Variants in CSNK1G2 observed in about 807,000 individuals in gnomAD.
CSNK1G2 encodes casein kinase I isoform gamma-2.
A neutral mutation model predicts 48.0 loss-of-function variants in CSNK1G2; 11 were observed. The observed-to-expected ratio is 0.23, with a 90% confidence interval of 0.14 to 0.38. The LOEUF is 0.38. Ranked by LOEUF, CSNK1G2 falls within the 10% of genes least tolerant of loss-of-function variation. The probability of loss-of-function intolerance (pLI) is 1.00; values close to 1 mark genes in which losing one functional copy is unlikely to be tolerated. For missense variants in CSNK1G2, 446 were observed against 595.5 expected (o/e 0.75, Z 2.61); for synonymous variants, 337 against 254.1 (o/e 1.33, Z -3.10).
intron 2 of CSNK1G2, among the ~76,000 whole-genome samples, chr19:1,977,922 G>T (rs982781595): frequency 2.0e-5 from 3 of 152,146 alleles, no homozygotes; most frequent in Non-Finnish European, 4.4e-5. Context: ...CTCACCTGGG[G>T]GCCGAGGGCC....
In CSNK1G2 at chr19:1,941,231, C is replaced by G. The variant is rs1599270559; in HGVS notation, c.-453C>G. 6.8e-6 allele frequency: 1 copy of G among 146,264 alleles called. No individual in the cohort carries two copies. The highest frequency in any genetic ancestry group is 1.5e-5 in the Non-Finnish European group (1 of 65,772). 9.1% of individuals were successfully genotyped at this position (146,264 alleles called of 1,614,324 possible). ...GCGGGCGCGGCGGAGCGCGGCGAGCCCGGCGCCTCCCGTCCCGAACATGCG... is the reference window on the plus strand; with the variant it reads ...GCGGGCGCGGCGGAGCGCGGCGAGCGCGGCGCCTCCCGTCCCGAACATGCG... On this transcript the variant is annotated 5_prime_UTR_variant, in exon 1 of 12. Coordinates refer to ENST00000255641, the MANE Select transcript of CSNK1G2 (RefSeq NM_001319.7).
chr19:1,976,239 C>A, intron 2 of CSNK1G2: 1 of 610,650 alleles, frequency 1.6e-6, no homozygotes, highest in Non-Finnish European at 2.5e-6. Flanking sequence ...CCCATTTGTT[C>A]TGAAAACGCG....
At chr19:1,945,924 G>A (rs879571522) in intron 1 of CSNK1G2, among the ~76,000 whole-genome samples, 2 of 152,338 alleles carry the variant, frequency 1.3e-5, no homozygotes, top group Admixed American at 6.5e-5. Context: ...AGAGGCCATG[G>A]GGTGAGGACC....
chr19:1,956,423 G>A (rs751217427), intron 1 of CSNK1G2, among the ~76,000 whole-genome samples: 4 of 152,324 alleles, frequency 2.6e-5, no homozygotes, highest in African/African-American at 4.8e-5. Context: ...AGGATGAGGC[G>A]GGAAAATTGC....
At chr19:1,972,004 T>C (rs979078296) in intron 2 of CSNK1G2, among the ~76,000 whole-genome samples, 5 of 152,216 alleles carry the variant, frequency 3.3e-5, no homozygotes, top group East Asian at 1.9e-4. Context: ...CTCCTGACCT[T>C]GTGATCCACC....
chr19:1,953,580 G>GT (rs199635459), intron 1 of CSNK1G2: 137 of 477,876 alleles, frequency 2.9e-4, no homozygotes, highest in African/African-American at 2.4e-3. Flanking sequence ...TGCCGGTGGT[G>GT]TTTGCCTTAT....
At chr19:1,944,307 T>C (rs2014473919) in intron 1 of CSNK1G2, among the ~76,000 whole-genome samples, 2 of 152,148 alleles carry the variant, frequency 1.3e-5, no homozygotes, top group Non-Finnish European at 2.9e-5. Context: ...GCCTGCAGTC[T>C]GGAGGCTCCC....
At chr19:1,953,025 C>T (rs1013709031) in intron 1 of CSNK1G2, 2 of 404,792 alleles carry the variant, frequency 4.9e-6, no homozygotes, top group South Asian at 3.7e-5. Context: ...AAAAAAAAAA[C>T]AAAGGAAATG....
At chr19:1,958,192 C>T (rs2015063182) in intron 1 of CSNK1G2, among the ~76,000 whole-genome samples, 1 of 151,894 alleles carries the variant, frequency 6.6e-6, no homozygotes, top group South Asian at 2.1e-4. Flanking sequence ...GGGACTCCCA[C>T]TGCCCCCACC....
At chr19:1,947,643 G>A (rs1427519208) in intron 1 of CSNK1G2, among the ~76,000 whole-genome samples, 2 of 152,182 alleles carry the variant, frequency 1.3e-5, no homozygotes, top group South Asian at 2.1e-4. Flanking sequence ...TGGGTGCGCC[G>A]AGGGGGATCC....
rs568175227 is a variant in CSNK1G2 at position 1,956,397 on chromosome 19, G to A, written c.-265-13111G>A. 2.6e-5 allele frequency among the ~76,000 whole-genome samples: 4 copies of A among 152,352 alleles called. No individual in the cohort carries two copies. In the East Asian group the frequency reaches 7.7e-4, roughly 29 times the overall value. ...GACGGCATGGTGCCTCATGCCTGTG[G>A]TCCCAGCTACCTGGGAGGATGAGGC... is the stretch of plus-strand genomic sequence containing the variant. On this transcript the variant is annotated intron_variant, in intron 1 of 11. Transcript: ENST00000255641.
chr19:1,958,484 C>G lies in CSNK1G2; in HGVS notation c.-265-11024C>G, dbSNP rs554981142. ...CCCTGTCCCCCCCATCTCCCCATCC[C>G]CCCGTCCAGGGCCGCAGCAGCTCAG... On this transcript the variant is annotated intron_variant, in intron 1 of 11. Transcript: ENST00000255641. 6.1e-3 allele frequency among the ~76,000 whole-genome samples: 800 copies of G among 130,098 alleles called. 9 individuals are homozygous for G. The highest frequency in any genetic ancestry group is 0.021 in the African/African-American group (738 of 34,846). The allele number at this position is 130,098 out of a possible 152,430, so 85.3% of individuals were successfully genotyped here. A position where few individuals can be genotyped will look rare whatever the true frequency, so the allele number is the denominator to read the frequency against.
At chr19:1,979,461 C>G (rs780374626) in intron 8 of CSNK1G2, 34 bp from the exon 9 acceptor site, 1 of 1,488,856 alleles carries the variant, frequency 6.7e-7, no homozygotes. Flanking sequence ...CCACCCCCAC[C>G]CCCGCCGAGG....
chr19:1,978,684 G>C lies in CSNK1G2; in HGVS notation c.381G>C (p.Glu127Asp). Reference sequence around the variant, plus strand: ...TGGAGCTGCTGGGGCCCAGCCTGGAGGACCTGTTCGACCTGTGCGACCGGA... The same window carrying C: ...TGGAGCTGCTGGGGCCCAGCCTGGACGACCTGTTCGACCTGTGCGACCGGA... ...MVLELLGPSL[E>D]DLFDLCDRTF... Residue 127 changes from glutamate to aspartate, a missense_variant, in exon 5 of 12, where the codon GAG becomes GAC. By Grantham distance (45) the Glu-to-Asp change is conservative (BLOSUM62 2). Around this residue, in one of 2 missense-constraint regions of CSNK1G2, gnomAD observed 258 missense variants for 415.9 expected, o/e 0.62. Coordinates refer to ENST00000255641, the MANE Select transcript of CSNK1G2 (RefSeq NM_001319.7). This position sits in a 1 kb window ranked among gnomAD's most constrained non-coding sequence, Gnocchi z 7.3. 1 of 1,607,452 alleles carries C rather than the reference G, an allele frequency of 6.2e-7. No individual in the cohort carries two copies. The highest frequency in any genetic ancestry group is 8.5e-7 in the Non-Finnish European group (1 of 1,177,398).
intron 2 of CSNK1G2, among the ~76,000 whole-genome samples, chr19:1,977,112 C>T (rs1001542110): frequency 6.6e-6 from 1 of 152,264 alleles, no homozygotes; most frequent in Non-Finnish European, 1.5e-5. Flanking sequence ...GGTGACCCAG[C>T]TGGATGGTGC....
In CSNK1G2 at chr19:1,978,246, G is replaced by A. The variant is rs2041436021; in HGVS notation, c.188-59G>A. The A allele has an allele frequency of 6.3e-7, 1 of 1,590,972 alleles. No individual in the cohort carries two copies. The highest frequency in any genetic ancestry group is 1.3e-5 in the African/African-American group (1 of 74,218). ...TGCCTCCTGCCTCGGGGGTGGGCTGGGGAGGTCGGGGCTAGGTGGGCCCTG... is the reference window on the plus strand; with the variant it reads ...TGCCTCCTGCCTCGGGGGTGGGCTGAGGAGGTCGGGGCTAGGTGGGCCCTG... On this transcript the variant is annotated intron_variant, in intron 2 of 11. Transcript: ENST00000255641. The surrounding 1 kb of genome is among the most constrained non-coding windows in gnomAD (Gnocchi z 7.3).
rs756984358 is a variant in CSNK1G2 at position 1,980,258 on chromosome 19, C to T, written c.*55C>T. Reference sequence around the variant, plus strand: ...CTCCGTGCAGCCCCTTGGGGCGCGACCTTGTGCGAGGCCCTCGGGGCCCAC... The same window carrying T: ...CTCCGTGCAGCCCCTTGGGGCGCGATCTTGTGCGAGGCCCTCGGGGCCCAC... On this transcript the variant is annotated 3_prime_UTR_variant, in exon 12 of 12. Coordinates refer to ENST00000255641, the MANE Select transcript of CSNK1G2 (RefSeq NM_001319.7). 2 of 1,603,122 alleles carry T rather than the reference C, an allele frequency of 1.2e-6. No individual in the cohort carries two copies. Among genetic ancestry groups the T allele is most frequent in the East Asian group, 2.2e-5 (1 of 44,808 alleles).
intron 1 of CSNK1G2, among the ~76,000 whole-genome samples, chr19:1,965,648 G>A (rs906641702): frequency 4.6e-5 from 7 of 152,100 alleles, no homozygotes; most frequent in East Asian, 3.9e-4. Flanking sequence ...CTACAGGTGC[G>A]TGCCACCATG....
chr19:1,980,496 C>T lies in CSNK1G2; in HGVS notation c.*293C>T. The T allele has an allele frequency of 2.1e-6, 1 of 479,924 alleles. No homozygotes were observed. The highest frequency in any genetic ancestry group is 3.7e-6 in the Non-Finnish European group (1 of 267,066). 29.7% of individuals were successfully genotyped at this position (479,924 alleles called of 1,614,324 possible). A position where few individuals can be genotyped will look rare whatever the true frequency, so the allele number is the denominator to read the frequency against. On this transcript the variant is annotated 3_prime_UTR_variant, in exon 12 of 12. Transcript: ENST00000255641. The stretch of plus-strand genomic sequence containing the variant: ...AGGAAAAAAAAAACAGAGGCCCGCC[C>T]TACCCCACTCCTGCCCCTCCGTTTC...
Sources: gnomAD v4.1 joint callset for allele counts (sites outside exome capture counted in the v4.1 genomes callset) on GRCh38, gnomAD v4.1.1 for gene constraint, gnomAD v4.1.1 regional missense constraint, Gnocchi (gnomAD v3.1) non-coding constraint, MANE v1.5 for transcripts, NCBI Gene and HGNC (gene_info 2026-07-23, HGNC 2026-07-21) for gene names.